The following PRDM16 variants were observed in gnomAD, a reference collection of about 807,000 sequenced individuals.
The protein encoded by PRDM16 is PR/SET domain 16.
PRDM16 carries 23 observed loss-of-function variants against 110.6 expected under a neutral mutation model. The ratio of observed to expected loss-of-function variants is 0.21; its 90% confidence interval spans 0.15 to 0.29. The LOEUF is 0.29. Among genes scored for constraint, PRDM16 ranks in the 10% least tolerant of loss-of-function variants. The pLI, the probability that PRDM16 is intolerant of heterozygous loss-of-function variation, is 1.00. For missense variants in PRDM16, 1,615 were observed against 1,794.3 expected (o/e 0.90, Z 1.81); for synonymous variants, 799 against 781.8 (o/e 1.02, Z -0.37).
rs544197005 is a variant in PRDM16 at position 3,438,332 on chromosome 1, G to A, written c.*4521G>A. On this transcript the variant is annotated 3_prime_UTR_variant, in exon 17 of 17. Coordinates refer to ENST00000270722, the MANE Select transcript of PRDM16 (RefSeq NM_022114.4). Reference sequence around the variant, plus strand: ...AGACTAGGAGTCCTGAACTGCTGACGCGAAAGAGGCGCAGTTCCCAATTAA... The same window carrying A: ...AGACTAGGAGTCCTGAACTGCTGACACGAAAGAGGCGCAGTTCCCAATTAA... 3.5e-5 allele frequency: 7 copies of A among 201,526 alleles called. No individual in the cohort carries two copies. The highest frequency in any genetic ancestry group is 1.9e-4 in the South Asian group (1 of 5,248). 12.5% of individuals were successfully genotyped at this position (201,526 alleles called of 1,614,324 possible). A position where few individuals can be genotyped will look rare whatever the true frequency, so the allele number is the denominator to read the frequency against.
Position 3,225,579 on chromosome 1 carries a change from C to T in PRDM16, c.388-18508C>T, listed in dbSNP as rs555121309. 5.3e-3 allele frequency among the ~76,000 whole-genome samples: 782 copies of T among 146,790 alleles called. 7 individuals carry two copies. The highest frequency in any genetic ancestry group is 0.019 in the African/African-American group (724 of 37,396). ...GTGTGTGTGTGTGTGTGTGTGCGCG[C>T]GCGCAGAAGGAAGGAAACGCAAGGA... On this transcript the variant is annotated intron_variant, in intron 2 of 16. Coordinates refer to ENST00000270722, the MANE Select transcript of PRDM16 (RefSeq NM_022114.4).
intron 1 of PRDM16, among the ~76,000 whole-genome samples, chr1:3,181,985 T>G (rs926443975): frequency 1.7e-4 from 26 of 152,078 alleles, no homozygotes; most frequent in African/African-American, 6.3e-4. Context: ...AGTCACATGC[T>G]TACACATGCA....
At chr1:3,367,016 C>A (rs1333185992) in intron 3 of PRDM16, among the ~76,000 whole-genome samples, 1 of 152,178 alleles carries the variant, frequency 6.6e-6, no homozygotes, top group Non-Finnish European at 1.5e-5. Flanking sequence ...GCCTGTAATC[C>A]CATCACTCTG....
chr1:3,182,489 T>C (rs1644223068), intron 1 of PRDM16, among the ~76,000 whole-genome samples: 2 of 152,174 alleles, frequency 1.3e-5, no homozygotes, highest in South Asian at 4.1e-4. Context: ...TTTCTAGATA[T>C]GGGTCTCTTG....
At chr1:3,106,910 C>T (rs1016240469) in intron 1 of PRDM16, among the ~76,000 whole-genome samples, 4 of 152,164 alleles carry the variant, frequency 2.6e-5, no homozygotes, top group African/African-American at 4.8e-5. Flanking sequence ...ATGACAACAG[C>T]GCCTGGGGCC....
chr1:3,304,419 C>T (rs997601483), intron 3 of PRDM16, among the ~76,000 whole-genome samples: 3 of 152,256 alleles, frequency 2.0e-5, no homozygotes, highest in African/African-American at 7.2e-5. Context: ...TTCGCTGAAA[C>T]CACATTTGCA....
rs74048312 is a variant in PRDM16, at chr1:3,206,407, G to A, written c.387+19933G>A. The A allele has an allele frequency of 0.029, 4,405 of 152,440 alleles. 185 individuals are homozygous for A. Among genetic ancestry groups the A allele is most frequent in the African/African-American group, 0.091 (3,802 of 41,568 alleles). 9.4% of individuals were successfully genotyped at this position (152,440 alleles called of 1,614,324 possible). ...CGAAAGCGTGTCTGGTGCAGAAGGC[G>A]TGACCTCCAGGCAGCTCCGAGACGG... On this transcript the variant is annotated intron_variant, in intron 2 of 16. Transcript: ENST00000270722. The surrounding 1 kb of genome is among the most constrained non-coding windows in gnomAD (Gnocchi z 4.9).
At chr1:3,283,811 C>A (rs140745685) in intron 3 of PRDM16, among the ~76,000 whole-genome samples, 2 of 152,254 alleles carry the variant, frequency 1.3e-5, no homozygotes, top group Admixed American at 1.3e-4. Context: ...TCCAGCAAAG[C>A]CGGCTGGTGG....
intron 2 of PRDM16, among the ~76,000 whole-genome samples, chr1:3,186,866 G>A (rs1221899546): frequency 1.3e-5 from 2 of 152,224 alleles, no homozygotes; most frequent in Non-Finnish European, 2.9e-5. Context: ...AGGGCAGTGT[G>A]GAGCCGCTCA....
At chr1:3,162,138 C>T (rs1382443541) in intron 1 of PRDM16, among the ~76,000 whole-genome samples, 1 of 152,144 alleles carries the variant, frequency 6.6e-6, no homozygotes, top group African/African-American at 2.4e-5. Context: ...TTTAACCACC[C>T]GTGAGCGTGG....
intron 1 of PRDM16, among the ~76,000 whole-genome samples, chr1:3,100,820 G>A (rs141614462): frequency 1.3e-3 from 193 of 152,306 alleles, no homozygotes; most frequent in Non-Finnish European, 1.7e-3. Flanking sequence ...GGGGCCATGA[G>A]AGTGGAAGGT....
At chr1:3,401,593 C>T (rs1643472753) in intron 5 of PRDM16, among the ~76,000 whole-genome samples, 1 of 152,164 alleles carries the variant, frequency 6.6e-6, no homozygotes, top group African/African-American at 2.4e-5. Flanking sequence ...CATTGGCGCA[C>T]ACACACACAA....
chr1:3,286,500 G>T (rs1226092814), intron 3 of PRDM16, among the ~76,000 whole-genome samples: 1 of 152,092 alleles, frequency 6.6e-6, no homozygotes, highest in East Asian at 1.9e-4. Flanking sequence ...CCTCTTGGTG[G>T]CACCTCCTCA....
intron 2 of PRDM16, among the ~76,000 whole-genome samples, chr1:3,242,078 C>T (rs887666621): frequency 2.0e-5 from 3 of 152,196 alleles, no homozygotes; most frequent in African/African-American, 7.2e-5. Flanking sequence ...GGGAGCCTCC[C>T]GGAAAATGCC....
chr1:3,139,263 C>T (rs990169954), intron 1 of PRDM16, among the ~76,000 whole-genome samples: 1 of 152,212 alleles, frequency 6.6e-6, no homozygotes, highest in Admixed American at 6.5e-5. Context: ...ACACGGCACG[C>T]AGAGATTCTT....
intron 3 of PRDM16, among the ~76,000 whole-genome samples, chr1:3,247,998 CT>C (rs1433420342): frequency 6.6e-6 from 1 of 152,208 alleles, no homozygotes; most frequent in Non-Finnish European, 1.5e-5. Flanking sequence ...GCGCAGCTCC[CT>C]GGAGAGCCCG....
chr1:3,134,245 C>T (rs910382190), intron 1 of PRDM16, among the ~76,000 whole-genome samples: 1 of 152,190 alleles, frequency 6.6e-6, no homozygotes, highest in Admixed American at 6.5e-5. Flanking sequence ...TTGTGTGGAG[C>T]TGTCCGGAGC....
Position 3,402,958 on chromosome 1 carries a change from G to A in PRDM16, c.844G>A (p.Glu282Lys), listed in dbSNP as rs187351394. 24 of 1,612,388 alleles carry A rather than the reference G, an allele frequency of 1.5e-5. No individual in the cohort carries two copies. Among genetic ancestry groups the A allele is most frequent in the South Asian group, 4.4e-5 (4 of 91,066 alleles). The change falls in exon 6 of 17, where the codon GAG (glutamate) becomes AAG (lysine). Residue 282 changes from glutamate (E) to lysine (K), a missense_variant. Physicochemically the swap from Glu to Lys is moderately conservative, Grantham distance 56. Around this residue, in one of 5 missense-constraint regions of PRDM16, gnomAD observed 416 missense variants for 467.1 expected, o/e 0.89. Transcript: ENST00000270722. ...GLGGGSGQAH[E>K]CKDCERMFPN... ...TGGCGGTGGCAGCGGCCAAGCCCAC[G>A]AGTGCAAGGACTGCGAGCGGATGTT...
rs1397785501 is a variant in PRDM16, at chr1:3,437,180, A to G, written c.*3369A>G. 8.6e-6 allele frequency: 2 copies of G among 231,486 alleles called. No homozygotes were observed. Among genetic ancestry groups the G allele is most frequent in the African/African-American group, 4.4e-5 (2 of 44,972 alleles). 14.3% of individuals were successfully genotyped at this position (231,486 alleles called of 1,614,324 possible). On this transcript the variant is annotated 3_prime_UTR_variant, in exon 17 of 17. Coordinates refer to ENST00000270722, the MANE Select transcript of PRDM16 (RefSeq NM_022114.4). ...GGGTGGGCGTGGTGTGGCCTGAGAG[A>G]CTGCCCAGCTGGAGAGGCCTTCCTT...
Sources: gnomAD v4.1 joint callset for allele counts (sites outside exome capture counted in the v4.1 genomes callset) on GRCh38, gnomAD v4.1.1 for gene constraint, gnomAD v4.1.1 regional missense constraint, Gnocchi (gnomAD v3.1) non-coding constraint, MANE v1.5 for transcripts, NCBI Gene and HGNC (gene_info 2026-07-23, HGNC 2026-07-21) for gene names.